The following GLP2R variants were observed in gnomAD, a reference collection of about 807,000 sequenced individuals.
The protein encoded by GLP2R is glucagon-like peptide 2 receptor.
A neutral mutation model predicts 68.2 loss-of-function variants in GLP2R; 59 were observed. The ratio of observed to expected loss-of-function variants is 0.87; its 90% CI spans 0.70 to 1.07. GLP2R has a LOEUF of 1.07. Ranked by LOEUF, GLP2R falls within the 50% of genes least tolerant of loss-of-function variation. GLP2R has a pLI of 0.00. For missense variants in GLP2R, 548 were observed against 677.4 expected, an observed-to-expected ratio of 0.81 and a Z score of 2.12; for synonymous variants, 270 against 265.4, an observed-to-expected ratio of 1.02 and a Z score of -0.17.
At chr17:9,864,997 A>G (rs991280962) in intron 9 of GLP2R, among the ~76,000 whole-genome samples, 14 of 152,084 alleles carry the variant, frequency 9.2e-5, no homozygotes, top group South Asian at 4.1e-4. Flanking sequence ...TGACCTTTAC[A>G]TGCTGTTGCT....
At chr17:9,849,369 A>C (rs200756440) in intron 4 of GLP2R, among the ~76,000 whole-genome samples, 2 of 152,054 alleles carry the variant, frequency 1.3e-5, no homozygotes, top group East Asian at 1.9e-4. Flanking sequence ...ATCATTCTAC[A>C]CAACTACATT....
intron 10 of GLP2R, among the ~76,000 whole-genome samples, chr17:9,879,623 G>T (rs140240571): frequency 6.6e-6 from 1 of 152,184 alleles, no homozygotes; most frequent in Non-Finnish European, 1.5e-5. Context: ...AGTCAGCCAC[G>T]TTTGGGAACC....
intron 1 of GLP2R, 147 bp from the exon 2 acceptor site, chr17:9,833,660 A>C (rs2152030202): frequency 1.7e-6 from 1 of 602,546 alleles, no homozygotes; most frequent in Non-Finnish European, 3.0e-6. Context: ...CTTAAGATAG[A>C]ACATAAGATG....
chr17:9,880,356 G>A (rs775569179), intron 10 of GLP2R, 22 bp from the exon 11 acceptor site: 3 of 1,546,142 alleles, frequency 1.9e-6, no homozygotes, highest in South Asian at 2.4e-5. Context: ...CCTCTTGACT[G>A]TTATTTGGTT....
In GLP2R at chr17:9,889,799, A is replaced by C; in HGVS notation, c.*94A>C. ...CAGGACACACGTTGCTGGGCACGGA[A>C]TCATTCTCGTTCCATTCACCATGCC... On this transcript the variant is annotated 3_prime_UTR_variant, in exon 13 of 13. Transcript: ENST00000262441. The C allele has an allele frequency of 2.7e-6, 2 of 752,058 alleles. No individual in the cohort carries two copies. Among genetic ancestry groups the C allele is most frequent in the Non-Finnish European group, 4.3e-6 (2 of 466,094 alleles). The allele number at this position is 752,058 out of a possible 1,614,324, so 46.6% of individuals were successfully genotyped here. A position where few individuals can be genotyped will look rare whatever the true frequency, so the allele number is the denominator to read the frequency against.
At position 9,889,439 on chromosome 17, in the gene GLP2R, G is replaced by A. The variant is rs1345291233; in HGVS notation, c.1396G>A (p.Val466Ile). The change falls in exon 13 of 13, where the codon GTC (valine) becomes ATC (isoleucine). Residue 466 changes from valine (V) to isoleucine (I), a missense_variant. By Grantham distance (29) the Val-to-Ile change is conservative (BLOSUM62 3). Transcript: ENST00000262441. ...CCGCCACTCAGGCTGCAGAGCCTGT[G>A]TCCTGGGGAAGGACTTCCGGTTCCT... Reference protein sequence around the residue: ...LARHSGCRACVLGKDFRFLGK... With the variant: ...LARHSGCRACILGKDFRFLGK... The A allele has an allele frequency of 1.2e-6, 2 of 1,614,204 alleles. No homozygotes were observed. Among genetic ancestry groups the A allele is most frequent in the Admixed American group, 1.7e-5 (1 of 60,036 alleles).
In GLP2R at chr17:9,889,619, C is replaced by T. The variant is rs1445249178; in HGVS notation, c.1576C>T (p.Arg526Trp). The T allele has an allele frequency of 1.5e-5, 25 of 1,613,256 alleles. No individual in the cohort carries two copies. The highest frequency in any genetic ancestry group is 8.3e-5 in the Admixed American group (5 of 59,952). ...QPQQDHARWP[R>W]GSSLSECSEG... is the part of the protein sequence containing the mutation. ...CCAACAGGACCATGCACGCTGGCCC[C>T]GGGGCAGCAGCCTGTCCGAGTGCAG... Residue 526 changes from arginine (R) to tryptophan (W), a missense_variant, in exon 13 of 13, where the codon CGG becomes TGG. Coordinates refer to ENST00000262441, the MANE Select transcript of GLP2R (RefSeq NM_004246.3).
At chr17:9,865,280 C>T (rs2067024242) in intron 9 of GLP2R, among the ~76,000 whole-genome samples, 1 of 151,868 alleles carries the variant, frequency 6.6e-6, no homozygotes, top group Admixed American at 6.6e-5. Context: ...TCCTTAATCC[C>T]TTGGTCTCTG....
chr17:9,845,436 C>G (rs1296241955), intron 4 of GLP2R, among the ~76,000 whole-genome samples: 4 of 152,222 alleles, frequency 2.6e-5, no homozygotes, highest in Non-Finnish European at 5.9e-5. Context: ...CCTAGCCTCT[C>G]TGCAGGCATC....
At chr17:9,832,470 G>C (rs1254303293) in intron 1 of GLP2R, among the ~76,000 whole-genome samples, 3 of 152,166 alleles carry the variant, frequency 2.0e-5, no homozygotes, top group Admixed American at 1.3e-4. Context: ...GGTGAGGCAG[G>C]AGAATCGCTT....
intron 10 of GLP2R, among the ~76,000 whole-genome samples, chr17:9,872,687 G>A (rs867687890): frequency 2.0e-5 from 3 of 152,214 alleles, no homozygotes; most frequent in African/African-American, 7.2e-5. Flanking sequence ...GAGGTGGAAC[G>A]GAGGGAGCTG....
intron 9 of GLP2R, among the ~76,000 whole-genome samples, chr17:9,863,544 C>A (rs999035816): frequency 6.6e-6 from 1 of 152,220 alleles, no homozygotes; most frequent in South Asian, 2.1e-4. Context: ...CCAGCCCCCA[C>A]GCCTGCCATA....
chr17:9,869,111 T>C (rs2152043153), intron 9 of GLP2R, among the ~76,000 whole-genome samples: 1 of 152,322 alleles, frequency 6.6e-6, no homozygotes, highest in East Asian at 1.9e-4. Flanking sequence ...CATTTCAAAT[T>C]GATCCCTTCC....
chr17:9,844,187 T>A (rs576322724), intron 4 of GLP2R, among the ~76,000 whole-genome samples: 1 of 152,054 alleles, frequency 6.6e-6, no homozygotes, highest in Non-Finnish European at 1.5e-5. Flanking sequence ...AGGACACAGG[T>A]GGAGGTAGAG....
intron 4 of GLP2R, among the ~76,000 whole-genome samples, chr17:9,846,526 G>A (rs981255340): frequency 1.3e-5 from 2 of 152,154 alleles, no homozygotes; most frequent in Non-Finnish European, 1.5e-5. Context: ...GCTGATGTGG[G>A]AGGATCACTT....
In GLP2R at chr17:9,889,569, G is replaced by T. The variant is rs761862237; in HGVS notation, c.1526G>T (p.Gly509Val). Reference sequence around the variant, plus strand: ...CGGCTCCTACATCTAGCCATGCGAGGTCTTGGGGAGCTGGGCGCCCAGCCC... The same window carrying T: ...CGGCTCCTACATCTAGCCATGCGAGTTCTTGGGGAGCTGGGCGCCCAGCCC... ...SGRLLHLAMR[G>V]LGELGAQPQQ... The change falls in exon 13 of 13, where the codon GGT becomes GTT. Residue 509 changes from glycine to valine, a missense_variant. Physicochemically the swap from Gly to Val is moderately radical, Grantham distance 109. Transcript: ENST00000262441. The T allele has an allele frequency of 5.6e-6, 9 of 1,614,212 alleles. No individual in the cohort carries two copies. In the South Asian group the frequency reaches 9.9e-5, roughly 18 times the overall value.
chr17:9,854,094 GA>G (rs1406289108), intron 4 of GLP2R, among the ~76,000 whole-genome samples: 1 of 152,230 alleles, frequency 6.6e-6, no homozygotes, highest in African/African-American at 2.4e-5. Context: ...CATTCAGACA[GA>G]AATTTGGCCC....
chr17:9,863,207 C>T (rs898998513), intron 9 of GLP2R, among the ~76,000 whole-genome samples: 2 of 152,190 alleles, frequency 1.3e-5, no homozygotes, highest in Admixed American at 6.5e-5. Context: ...CCACAGTCCT[C>T]TCTCCAGCCA....
intron 4 of GLP2R, among the ~76,000 whole-genome samples, chr17:9,843,538 C>A (rs925021389): frequency 2.0e-5 from 3 of 152,188 alleles, no homozygotes; most frequent in African/African-American, 7.2e-5. Flanking sequence ...GTAACTGGTC[C>A]GCAAGTCCCC....
Sources: allele counts gnomAD v4.1 joint callset (sites outside exome capture counted in the v4.1 genomes callset), GRCh38; gene constraint gnomAD v4.1.1; transcripts MANE v1.5; gene names NCBI Gene and HGNC (gene_info 2026-07-23, HGNC 2026-07-21).